PRKAA2: variants seen among roughly 807,000 people sequenced by gnomAD.
PRKAA2 encodes protein kinase AMP-activated catalytic subunit alpha 2, also known as 5'-AMP-activated protein kinase catalytic subunit alpha-2.
A neutral mutation model predicts 56.3 loss-of-function variants in PRKAA2; 40 were observed. That is an observed-to-expected ratio of 0.71 (90% CI 0.55 to 0.92). The LOEUF is 0.92. Ranked by LOEUF, PRKAA2 falls within the 40% of genes least tolerant of loss-of-function variation. PRKAA2 has a pLI of 0.00. For missense variants in PRKAA2, 542 were observed against 686.9 expected, an observed-to-expected ratio of 0.79 and a Z score of 2.36; for synonymous variants, 214 against 234.2, an observed-to-expected ratio of 0.91 and a Z score of 0.79.
intron 1 of PRKAA2, among the ~76,000 whole-genome samples, chr1:56,659,191 A>C (rs974304260): frequency 3.3e-5 from 5 of 152,014 alleles, no homozygotes; most frequent in African/African-American, 1.2e-4. Context: ...GATTAACTTA[A>C]ATTTTAAAGA....
At chr1:56,690,952 T>G (rs1315781305) in intron 2 of PRKAA2, among the ~76,000 whole-genome samples, 1 of 152,220 alleles carries the variant, frequency 6.6e-6, no homozygotes, top group Non-Finnish European at 1.5e-5. Flanking sequence ...TGTTTTGCTG[T>G]CAATTCCCCA....
chr1:56,707,731 TC>T lies in PRKAA2; in HGVS notation c.*19del. ...CCCGTTGATCTGTCTCTAGTTTCTT[TC>T]TGTTATTGCACTATGAAAATCAGTT... On this transcript the variant is annotated 3_prime_UTR_variant, in exon 9 of 9. Coordinates refer to ENST00000371244, the MANE Select transcript of PRKAA2 (RefSeq NM_006252.4). 1.3e-6 allele frequency: 2 copies of T among 1,547,942 alleles called. No individual in the cohort carries two copies. The highest frequency in any genetic ancestry group is 1.8e-6 in the Non-Finnish European group (2 of 1,120,402).
chr1:56,652,105 T>C (rs1386471173), intron 1 of PRKAA2, among the ~76,000 whole-genome samples: 1 of 150,444 alleles, frequency 6.6e-6, no homozygotes, highest in Non-Finnish European at 1.5e-5. Context: ...CTCTGCCTCC[T>C]GGGTTCAAGC....
At chr1:56,686,015 A>G (rs1644188489) in intron 2 of PRKAA2, among the ~76,000 whole-genome samples, 1 of 152,216 alleles carries the variant, frequency 6.6e-6, no homozygotes, top group Non-Finnish European at 1.5e-5. Flanking sequence ...AGATTTATTT[A>G]CAAAGGAAGT....
intron 1 of PRKAA2, among the ~76,000 whole-genome samples, chr1:56,664,944 A>G (rs1301993028): frequency 6.6e-6 from 1 of 151,588 alleles, no homozygotes; most frequent in Non-Finnish European, 1.5e-5. Flanking sequence ...CATTACCATT[A>G]CTATTAGCTG....
chr1:56,679,688 C>G (rs1644139637), intron 2 of PRKAA2, among the ~76,000 whole-genome samples: 1 of 152,126 alleles, frequency 6.6e-6, no homozygotes, highest in Non-Finnish European at 1.5e-5. Context: ...ATCCACATCT[C>G]CCTTTCCCTA....
chr1:56,683,813 G>C (rs1248679169), intron 2 of PRKAA2, among the ~76,000 whole-genome samples: 1 of 152,098 alleles, frequency 6.6e-6, no homozygotes, highest in African/African-American at 2.4e-5. Flanking sequence ...AGGAAGATTA[G>C]AGTGAGAGAT....
At chr1:56,655,759 C>T (rs984631540) in intron 1 of PRKAA2, among the ~76,000 whole-genome samples, 5 of 152,190 alleles carry the variant, frequency 3.3e-5, no homozygotes, top group African/African-American at 9.6e-5. Context: ...AGTTGGAGTT[C>T]GCAGTTTATC....
chr1:56,674,591 A>C lies in PRKAA2; in HGVS notation c.236+69A>C. 1.6e-6 allele frequency: 2 copies of C among 1,253,022 alleles called. 1 individual carries two copies. The highest frequency in any genetic ancestry group is 3.7e-5 in the South Asian group (2 of 54,746). 77.6% of individuals were successfully genotyped at this position (1,253,022 alleles called of 1,614,324 possible). A position where few individuals can be genotyped will look rare whatever the true frequency, so the allele number is the denominator to read the frequency against. ...TAAAATGTTTTTTAGGAATTTTATA[A>C]TAATTGTTAATTGTTAACCTTTTAC... On this transcript the variant is annotated intron_variant, in intron 2 of 8. Coordinates refer to ENST00000371244, the MANE Select transcript of PRKAA2 (RefSeq NM_006252.4).
chr1:56,686,859 CATT>C (rs1051211985), intron 2 of PRKAA2, among the ~76,000 whole-genome samples: 24 of 149,006 alleles, frequency 1.6e-4, no homozygotes, highest in South Asian at 8.6e-4. Flanking sequence ...ATAATAGCAA[CATT>C]ATAGAAACAA....
Position 56,707,918 on chromosome 1 carries a change from A to G in PRKAA2, c.*205A>G, listed in dbSNP as rs3738568. The G allele has an allele frequency of 0.037, 21,956 of 597,550 alleles. 797 individuals are homozygous for G. Among genetic ancestry groups the G allele is most frequent in the East Asian group, 0.13 (4,630 of 34,782 alleles). 37.0% of individuals were successfully genotyped at this position (597,550 alleles called of 1,614,324 possible). On this transcript the variant is annotated 3_prime_UTR_variant, in exon 9 of 9. Coordinates refer to ENST00000371244, the MANE Select transcript of PRKAA2 (RefSeq NM_006252.4). ...AGAAATCTGTAATTCTATTGTGCCTATGATAAATTCACATAGGCAATATCT... is the reference window on the plus strand; with the variant it reads ...AGAAATCTGTAATTCTATTGTGCCTGTGATAAATTCACATAGGCAATATCT...
chr1:56,707,851 G>A lies in PRKAA2; in HGVS notation c.*138G>A. On this transcript the variant is annotated 3_prime_UTR_variant, in exon 9 of 9. Coordinates refer to ENST00000371244, the MANE Select transcript of PRKAA2 (RefSeq NM_006252.4). ...ATTTCCAGGGGCACACAATGCTATT[G>A]AAATTACTGAAAACAAAATATCTGA... is the stretch of plus-strand genomic sequence containing the variant. The A allele has an allele frequency of 1.3e-6, 1 of 784,976 alleles. No individual in the cohort carries two copies. The highest frequency in any genetic ancestry group is 2.0e-6 in the Non-Finnish European group (1 of 494,752). 48.6% of individuals were successfully genotyped at this position (784,976 alleles called of 1,614,324 possible).
chr1:56,686,101 C>G (rs1351275921), intron 2 of PRKAA2, among the ~76,000 whole-genome samples: 1 of 152,040 alleles, frequency 6.6e-6, no homozygotes, highest in Non-Finnish European at 1.5e-5. Flanking sequence ...CATTAATTAC[C>G]TTAGACTCTA....
At position 56,704,208 on chromosome 1, in the gene PRKAA2, C is replaced by T. The variant is rs756393902; in HGVS notation, c.1026C>T (p.Leu342=). 5.0e-5 allele frequency: 81 copies of T among 1,614,058 alleles called. 1 individual carries two copies. The East Asian group carries it at 6.0e-4, about 12-fold the overall frequency. Residue 342 remains leucine, a synonymous_variant, in exon 7 of 9, where the codon CTC becomes CTT. Transcript: ENST00000371244. ...TGAACCAAGCCAGTGAGTTCTACCTCGCCTCTAGTCCTCCATCTGGTTCTT... is the reference window on the plus strand; with the variant it reads ...TGAACCAAGCCAGTGAGTTCTACCTTGCCTCTAGTCCTCCATCTGGTTCTT... ...RIMNQASEFY[L]ASSPPSGSFM... is the part of the protein sequence containing the mutation.
intron 1 of PRKAA2, among the ~76,000 whole-genome samples, chr1:56,668,827 T>G (rs903806903): frequency 3.9e-5 from 6 of 152,204 alleles, no homozygotes; most frequent in African/African-American, 1.4e-4. Context: ...TATTGGAAAT[T>G]TGAAAACTTT....
intron 6 of PRKAA2, among the ~76,000 whole-genome samples, chr1:56,696,950 A>C (rs1169638791): frequency 1.3e-5 from 2 of 150,878 alleles, no homozygotes; most frequent in Non-Finnish European, 2.9e-5. Flanking sequence ...GTTTGTTTAC[A>C]AACATGTTCT....
chr1:56,702,790 A>G (rs889830947), intron 6 of PRKAA2, among the ~76,000 whole-genome samples: 2 of 152,156 alleles, frequency 1.3e-5, no homozygotes, highest in Non-Finnish European at 2.9e-5. Flanking sequence ...TCTAAATTAT[A>G]TACTCTCATT....
At chr1:56,647,299 C>G (rs1249110554) in intron 1 of PRKAA2, among the ~76,000 whole-genome samples, 1 of 152,182 alleles carries the variant, frequency 6.6e-6, no homozygotes, top group African/African-American at 2.4e-5. Context: ...CTCAAGCAAA[C>G]AGCGCCTTTG....
intron 2 of PRKAA2, among the ~76,000 whole-genome samples, chr1:56,687,846 A>G (rs571018461): frequency 5.3e-5 from 8 of 152,242 alleles, no homozygotes; most frequent in Middle Eastern, 3.4e-3. Flanking sequence ...TGATTTTCAT[A>G]TACTATTTTA....
Sources: gnomAD v4.1 joint callset for allele counts (sites outside exome capture counted in the v4.1 genomes callset) on GRCh38, gnomAD v4.1.1 for gene constraint, MANE v1.5 for transcripts, NCBI Gene and HGNC (gene_info 2026-07-23, HGNC 2026-07-21) for gene names.